The following PDE4D variants were observed in gnomAD, a reference collection of about 807,000 sequenced individuals.
The protein encoded by PDE4D is phosphodiesterase 4D, also known as 3',5'-cyclic-AMP phosphodiesterase 4D.
A neutral mutation model predicts 87.4 loss-of-function variants in PDE4D; 24 were observed. That is an observed-to-expected ratio of 0.27 (90% CI 0.20 to 0.39). The LOEUF (loss-of-function observed/expected upper bound fraction) is 0.39, where lower values mean the gene tolerates loss of function less well. Ranked by LOEUF, PDE4D falls within the 10% of genes least tolerant of loss-of-function variation. The pLI is 1.00. For synonymous variants in PDE4D, 384 were observed against 383.2 expected, an observed-to-expected ratio of 1.00 and a Z score of -0.02; for missense variants, 714 against 1,041.0, an observed-to-expected ratio of 0.69 and a Z score of 4.32.
At chr5:58,999,690 A>G (rs985201359) in intron 6 of PDE4D, 43 of 1,094,624 alleles carry the variant, frequency 3.9e-5, no homozygotes, top group Non-Finnish European at 4.6e-5. Flanking sequence ...TACATAAGAA[A>G]GCCTCGCATT....
At chr5:59,537,885 C>T (rs1815557417) in intron 1 of PDE4D, among the ~76,000 whole-genome samples, 1 of 152,136 alleles carries the variant, frequency 6.6e-6, no homozygotes, top group Non-Finnish European at 1.5e-5. Flanking sequence ...TTATATTCAT[C>T]TACTCATTTT....
At chr5:59,678,822 C>T (rs1486777803) in intron 1 of PDE4D, among the ~76,000 whole-genome samples, 4 of 152,138 alleles carry the variant, frequency 2.6e-5, no homozygotes, top group Non-Finnish European at 4.4e-5. Context: ...GGTCAAAATA[C>T]ATAAAATAAT....
At chr5:59,389,549 A>G (rs1203405325) in intron 1 of PDE4D, among the ~76,000 whole-genome samples, 1 of 152,146 alleles carries the variant, frequency 6.6e-6, no homozygotes, top group Non-Finnish European at 1.5e-5. Context: ...AAGTTTCTCA[A>G]AAAACTAAAA....
intron 1 of PDE4D, among the ~76,000 whole-genome samples, chr5:59,850,461 T>G (rs991492714): frequency 6.6e-6 from 1 of 152,108 alleles, no homozygotes; most frequent in African/African-American, 2.4e-5. Context: ...GATTTAGCAC[T>G]GTGGCTGCCT....
intron 1 of PDE4D, among the ~76,000 whole-genome samples, chr5:59,544,120 G>A (rs1816845497): frequency 6.6e-6 from 1 of 152,176 alleles, no homozygotes; most frequent in Non-Finnish European, 1.5e-5. Context: ...TGTAGTGGCA[G>A]GAGGGGAGGT....
intron 1 of PDE4D, among the ~76,000 whole-genome samples, chr5:59,730,843 T>A (rs1488938791): frequency 6.6e-6 from 1 of 152,162 alleles, no homozygotes; most frequent in Non-Finnish European, 1.5e-5. Flanking sequence ...AGTGAAAAAC[T>A]TTTTATTAAT....
At chr5:60,054,294 T>A (rs1449867735) in intron 2 of PDE4D, among the ~76,000 whole-genome samples, 1 of 152,106 alleles carries the variant, frequency 6.6e-6, no homozygotes, top group East Asian at 1.9e-4. Context: ...CAAACGCCCA[T>A]CAACGATAGA....
At chr5:59,703,820 T>A (rs1030082739) in intron 1 of PDE4D, 6 of 268,746 alleles carry the variant, frequency 2.2e-5, no homozygotes, top group Non-Finnish European at 3.9e-5. Context: ...TCAAGAAAAA[T>A]TCATTAAACA....
chr5:60,167,266 C>CTTTTTTT (rs142613050), intron 2 of PDE4D, among the ~76,000 whole-genome samples: 10 of 86,490 alleles, frequency 1.2e-4, no homozygotes, highest in East Asian at 2.8e-4. Flanking sequence ...TGTGTATTTT[C>CTTTTTTT]TTTTTTTTTT....
chr5:59,043,436 T>G (rs1395063082), intron 5 of PDE4D, among the ~76,000 whole-genome samples: 1 of 152,088 alleles, frequency 6.6e-6, no homozygotes, highest in East Asian at 1.9e-4. Context: ...GGCAGGAGAA[T>G]GGCGTGAACC....
At chr5:59,751,531 G>A (rs1760456103) in intron 1 of PDE4D, among the ~76,000 whole-genome samples, 1 of 150,252 alleles carries the variant, frequency 6.7e-6, no homozygotes, top group African/African-American at 2.5e-5. Context: ...AAGCTGTTAG[G>A]AAAGATAACA....
chr5:60,256,241 A>G (rs1378365374), intron 1 of PDE4D, among the ~76,000 whole-genome samples: 1 of 151,806 alleles, frequency 6.6e-6, no homozygotes, highest in East Asian at 1.9e-4. Flanking sequence ...ATAATCCCCA[A>G]ACTCAAAGAT....
At chr5:60,099,366 C>T (rs1185756835) in intron 2 of PDE4D, among the ~76,000 whole-genome samples, 1 of 151,760 alleles carries the variant, frequency 6.6e-6, no homozygotes, top group Non-Finnish European at 1.5e-5. Flanking sequence ...GAAGTTTTAG[C>T]CACTAATGAA....
At chr5:59,057,882 T>C (rs893042610) in intron 5 of PDE4D, among the ~76,000 whole-genome samples, 2 of 152,156 alleles carry the variant, frequency 1.3e-5, no homozygotes, top group Non-Finnish European at 2.9e-5. Context: ...CCATATTATC[T>C]AGCATTAGTA....
chr5:59,171,719 A>G (rs963116236), intron 5 of PDE4D, among the ~76,000 whole-genome samples: 1 of 148,662 alleles, frequency 6.7e-6, no homozygotes, highest in Admixed American at 6.9e-5. Context: ...ATGTTCTTCA[A>G]ATTTATCAGG....
intron 1 of PDE4D, among the ~76,000 whole-genome samples, chr5:59,265,330 T>C (rs1329966766): frequency 1.3e-5 from 2 of 151,972 alleles, no homozygotes; most frequent in African/African-American, 4.8e-5. Context: ...TTTTGCCACC[T>C]CCACTAAGTA....
intron 1 of PDE4D, among the ~76,000 whole-genome samples, chr5:60,244,022 T>C (rs974034117): frequency 6.6e-6 from 1 of 151,960 alleles, no homozygotes; most frequent in Admixed American, 6.6e-5. Flanking sequence ...TTACCCTTGT[T>C]TGCAGATGAT....
At chr5:59,124,353 A>G (rs537949831) in intron 5 of PDE4D, among the ~76,000 whole-genome samples, 6 of 152,356 alleles carry the variant, frequency 3.9e-5, no homozygotes, top group African/African-American at 1.4e-4. Flanking sequence ...ACTGCTCACC[A>G]GCAAGCTTGA....
At chr5:59,844,726 A>T (rs1743561474) in intron 1 of PDE4D, among the ~76,000 whole-genome samples, 1 of 152,232 alleles carries the variant, frequency 6.6e-6, no homozygotes, top group East Asian at 1.9e-4. Flanking sequence ...ATGTGAGCCT[A>T]ATCACGAACA....
Sources: allele counts gnomAD v4.1 joint callset (sites outside exome capture counted in the v4.1 genomes callset), GRCh38; gene constraint gnomAD v4.1.1; transcripts MANE v1.5; gene names NCBI Gene and HGNC (gene_info 2026-07-23, HGNC 2026-07-21).